HTR6: variants seen among roughly 807,000 people sequenced by gnomAD.
HTR6 encodes 5-hydroxytryptamine (serotonin) receptor 6, G protein-coupled.
In HTR6, 15 loss-of-function variants were observed where a neutral mutation model predicts 17.4. The observed-to-expected ratio is 0.86, with a 90% CI of 0.58 to 1.33. The LOEUF (loss-of-function observed/expected upper bound fraction) is 1.33, where lower values mean the gene tolerates loss of function less well. HTR6 is among the 40% of genes most tolerant of loss of function. The pLI is 0.00. For missense variants in HTR6, 578 were observed against 616.0 expected (o/e 0.94, Z 0.65); for synonymous variants, 326 against 295.5 (o/e 1.10, Z -1.06).
intron 1 of HTR6, among the ~76,000 whole-genome samples, chr1:19,671,649 A>G (rs922012557): frequency 2.6e-5 from 4 of 152,102 alleles, no homozygotes; most frequent in African/African-American, 9.7e-5. Flanking sequence ...TCCTGTGCCC[A>G]GCCCCACTTA....
In HTR6 at chr1:19,666,278, C is replaced by G. The variant is rs775629025; in HGVS notation, c.525C>G (p.Pro175=). ...ACGAGCTGGGCCACGCACGGCCACC[C>G]GTCCCTGGCCAGTGCCGCCTGCTGG... ...GWHELGHARP[P]VPGQCRLLAS... Residue 175 remains proline, a synonymous_variant, in exon 1 of 3, where the codon CCC becomes CCG. Coordinates refer to ENST00000289753, the MANE Select transcript of HTR6 (RefSeq NM_000871.3). This position sits in a 1 kb window ranked among gnomAD's most constrained non-coding sequence, Gnocchi z 4.5. 6 of 1,611,300 alleles carry G rather than the reference C, an allele frequency of 3.7e-6. No individual in the cohort carries two copies. The highest frequency in any genetic ancestry group is 2.2e-5 in the South Asian group (2 of 91,054).
At position 19,679,802 on chromosome 1, in the gene HTR6, C is replaced by T. The variant is rs1465983949; in HGVS notation, c.*434C>T. ...GTAGTCCATGGACAATCGGCATTGCCGTCACCTTTGGGAGTTTGTGAAAAA... is the reference window on the plus strand; with the variant it reads ...GTAGTCCATGGACAATCGGCATTGCTGTCACCTTTGGGAGTTTGTGAAAAA... On this transcript the variant is annotated 3_prime_UTR_variant, in exon 3 of 3. Transcript: ENST00000289753. This position sits in a 1 kb window ranked among gnomAD's most constrained non-coding sequence, Gnocchi z 4.9. 1.3e-5 allele frequency among the ~76,000 whole-genome samples: 2 copies of T among 152,226 alleles called. No homozygotes were observed. Among genetic ancestry groups the T allele is most frequent in the African/African-American group, 2.4e-5 (1 of 41,454 alleles).
At chr1:19,667,193 A>G (rs2095082646) in intron 1 of HTR6, among the ~76,000 whole-genome samples, 1 of 151,944 alleles carries the variant, frequency 6.6e-6, no homozygotes, top group African/African-American at 2.4e-5. Flanking sequence ...AGGTCTTTGC[A>G]CTTGCTGTTC....
In HTR6 at chr1:19,671,065, T is replaced by C. The variant is rs149042641; in HGVS notation, c.714+4598T>C. 1.8e-4 allele frequency among the ~76,000 whole-genome samples: 28 copies of C among 152,280 alleles called. No homozygotes were observed. In the East Asian group the frequency reaches 5.4e-3, roughly 29 times the overall value. Reference sequence around the variant, plus strand: ...TGAACGAGACCAACAGTGCCTGCCCTCTTGAAATCTGTTCTAGTTAGGAGT... The same window carrying C: ...TGAACGAGACCAACAGTGCCTGCCCCCTTGAAATCTGTTCTAGTTAGGAGT... On this transcript the variant is annotated intron_variant, in intron 1 of 2. Coordinates refer to ENST00000289753, the MANE Select transcript of HTR6 (RefSeq NM_000871.3).
At chr1:19,673,879 T>C (rs978322827) in intron 1 of HTR6, among the ~76,000 whole-genome samples, 6 of 106,834 alleles carry the variant, frequency 5.6e-5, no homozygotes, top group African/African-American at 1.3e-4. Context: ...TTTTTTTTTT[T>C]CTGTTAGGAC....
At chr1:19,678,813 G>C (rs1423927447) in intron 2 of HTR6, 88 bp downstream of exon 2, 82 of 1,559,576 alleles carry the variant, frequency 5.3e-5, no homozygotes, top group Non-Finnish European at 7.1e-5. Context: ...GGGAGGGTAG[G>C]CTGCCTCTCG....
chr1:19,677,990 T>G lies in HTR6; in HGVS notation c.715-577T>G, dbSNP rs1020309315. On this transcript the variant is annotated intron_variant, in intron 1 of 2. Coordinates refer to ENST00000289753, the MANE Select transcript of HTR6 (RefSeq NM_000871.3). ...CCTGACCTCAAGTGATCTGCCTGCCTCGGCCTCCCAAAGTGCTGGGATTAC... is the reference window on the plus strand; with the variant it reads ...CCTGACCTCAAGTGATCTGCCTGCCGCGGCCTCCCAAAGTGCTGGGATTAC... 5.3e-5 allele frequency among the ~76,000 whole-genome samples: 8 copies of G among 152,352 alleles called. 2 individuals are homozygous for G. The highest frequency in any genetic ancestry group is 6.5e-5 in the Admixed American group (1 of 15,304).
At position 19,678,547 on chromosome 1, in the gene HTR6, T is replaced by C. The variant is rs200222462; in HGVS notation, c.715-20T>C. The C allele has an allele frequency of 1.4e-5, 23 of 1,612,012 alleles. No individual in the cohort carries two copies. Among genetic ancestry groups the C allele is most frequent in the Non-Finnish European group, 1.9e-5 (22 of 1,179,880 alleles). On this transcript the variant is annotated intron_variant, in intron 1 of 2. Coordinates refer to ENST00000289753, the MANE Select transcript of HTR6 (RefSeq NM_000871.3). ...CGGGGGCCCTTTCTCAACGGACTCA[T>C]GTGGCCTTCCTTTCCGCAGGTGCCC...
chr1:19,675,784 G>A (rs923157171), intron 1 of HTR6, among the ~76,000 whole-genome samples: 3 of 152,148 alleles, frequency 2.0e-5, no homozygotes, highest in Non-Finnish European at 4.4e-5. Flanking sequence ...CAATTTGAAG[G>A]TGTGGCAGGT....
intron 1 of HTR6, among the ~76,000 whole-genome samples, chr1:19,677,913 T>C (rs2095096302): frequency 6.6e-6 from 1 of 152,174 alleles, no homozygotes; most frequent in Non-Finnish European, 1.5e-5. Context: ...CTAATTTTTG[T>C]ATTTTTAGTA....
rs201272602 is a variant in HTR6, at chr1:19,679,421, T to G, written c.*53T>G. 1.1e-5 allele frequency: 17 copies of G among 1,488,720 alleles called. No individual in the cohort carries two copies. Among genetic ancestry groups the G allele is most frequent in the Non-Finnish European group, 1.4e-5 (16 of 1,117,042 alleles). 92.2% of individuals were successfully genotyped at this position (1,488,720 alleles called of 1,614,324 possible). The stretch of plus-strand genomic sequence containing the variant: ...GCTGGATTGAGCAGAACCCAGACCC[T>G]GAGTCCTTGGGCCAGCTCTTGGCTA... On this transcript the variant is annotated 3_prime_UTR_variant, in exon 3 of 3. Transcript: ENST00000289753. This position sits in a 1 kb window ranked among gnomAD's most constrained non-coding sequence, Gnocchi z 4.9.
At chr1:19,669,024 G>A (rs1449070433) in intron 1 of HTR6, among the ~76,000 whole-genome samples, 1 of 152,218 alleles carries the variant, frequency 6.6e-6, no homozygotes, top group Admixed American at 6.5e-5. Context: ...GAAGACAGCT[G>A]TAATGGGCTG....
intron 1 of HTR6, among the ~76,000 whole-genome samples, chr1:19,674,507 A>G (rs1330790362): frequency 6.6e-6 from 1 of 151,350 alleles, no homozygotes; most frequent in Non-Finnish European, 1.5e-5. Context: ...CCTGGGTTCA[A>G]GTGATTCTCC....
At position 19,679,977 on chromosome 1, in the gene HTR6, G is replaced by A. The variant is rs1480024547; in HGVS notation, c.*609G>A. The stretch of plus-strand genomic sequence containing the variant: ...GATTTGCTGGATGGTTTTTGGACCT[G>A]TCAGTCTCCCCTCCCTGGTATATAT... On this transcript the variant is annotated 3_prime_UTR_variant, in exon 3 of 3. Coordinates refer to ENST00000289753, the MANE Select transcript of HTR6 (RefSeq NM_000871.3). This position sits in a 1 kb window ranked among gnomAD's most constrained non-coding sequence, Gnocchi z 4.9. 1.3e-5 allele frequency among the ~76,000 whole-genome samples: 2 copies of A among 152,128 alleles called. No homozygotes were observed. Among genetic ancestry groups the A allele is most frequent in the Non-Finnish European group, 2.9e-5 (2 of 68,022 alleles).
chr1:19,665,814 T>C lies in HTR6; in HGVS notation c.61T>C (p.Ser21Pro). 6.5e-7 allele frequency: 1 copy of C among 1,533,690 alleles called. No individual in the cohort carries two copies. Among genetic ancestry groups the C allele is most frequent in the Non-Finnish European group, 8.7e-7 (1 of 1,148,674 alleles). ...CCCGGCCTGGGGGGCAGGGCCGCCG[T>C]CGGCCCCGGGGGGCAGCGGCTGGGT... ...STPAWGAGPP[S>P]APGGSGWVAA... Residue 21 changes from serine to proline, a missense_variant, in exon 1 of 3, where the codon TCG (serine) becomes CCG (proline). By Grantham distance (74) the Ser-to-Pro change is moderately conservative. Transcript: ENST00000289753. This position sits in a 1 kb window ranked among gnomAD's most constrained non-coding sequence, Gnocchi z 4.2.
In HTR6 at chr1:19,665,926, G is replaced by T. The variant is rs1449878302; in HGVS notation, c.173G>T (p.Arg58Leu). The change falls in exon 1 of 3, where the codon CGC (arginine) becomes CTC (leucine). Residue 58 changes from arginine (R) to leucine (L), a missense_variant. Physicochemically the swap from Arg to Leu is moderately radical, Grantham distance 102 (BLOSUM62 -2). Coordinates refer to ENST00000289753, the MANE Select transcript of HTR6 (RefSeq NM_000871.3). This position sits in a 1 kb window ranked among gnomAD's most constrained non-coding sequence, Gnocchi z 4.2. ...IALICTQPAL[R>L]NTSNFFLVSL... ...CTCATCTGCACTCAGCCCGCGCTGCGCAACACGTCCAACTTCTTCCTGGTG... is the reference window on the plus strand; with the variant it reads ...CTCATCTGCACTCAGCCCGCGCTGCTCAACACGTCCAACTTCTTCCTGGTG... The T allele has an allele frequency of 6.2e-7, 1 of 1,613,486 alleles. No homozygotes were observed.
At position 19,666,176 on chromosome 1, in the gene HTR6, G is replaced by T; in HGVS notation, c.423G>T (p.Leu141=). The T allele has an allele frequency of 6.2e-7, 1 of 1,610,796 alleles. No individual in the cohort carries two copies. Among genetic ancestry groups the T allele is most frequent in the Non-Finnish European group, 8.5e-7 (1 of 1,179,874 alleles). The change falls in exon 1 of 3, where the codon CTG becomes CTT. Residue 141 remains leucine, a synonymous_variant. Coordinates refer to ENST00000289753, the MANE Select transcript of HTR6 (RefSeq NM_000871.3). This position sits in a 1 kb window ranked among gnomAD's most constrained non-coding sequence, Gnocchi z 4.5. ...GCTACAAGCTGCGCATGACGCCCCTGCGTGCCCTGGCCCTAGTCCTGGGCG... is the reference window on the plus strand; with the variant it reads ...GCTACAAGCTGCGCATGACGCCCCTTCGTGCCCTGGCCCTAGTCCTGGGCG... The part of the protein sequence containing the change: ...PLRYKLRMTP[L]RALALVLGAW...
rs1471465690 is a variant in HTR6 at position 19,666,806 on chromosome 1, C to T, written c.714+339C>T. On this transcript the variant is annotated intron_variant, in intron 1 of 2. Transcript: ENST00000289753. The surrounding 1 kb of genome is among the most constrained non-coding windows in gnomAD (Gnocchi z 4.5). ...CCAGGAACTTAGGAATACTTTTCTC[C>T]CTCACCCTCATGCCATTCATTAGCG... Among the ~76,000 whole-genome samples the T allele has an allele frequency of 5.3e-5, 8 of 152,020 alleles. No homozygotes were observed. The highest frequency in any genetic ancestry group is 1.9e-4 in the African/African-American group (8 of 41,382).
rs559329574 is a variant in HTR6 at position 19,678,854 on chromosome 1, C to T, written c.874-65C>T. ...CGTGTGTGTGTGTGTCTGCTCCATA[C>T]ATGCTGGGAAGGGTGGCCTGGGTCC... On this transcript the variant is annotated intron_variant, in intron 2 of 2. Transcript: ENST00000289753. 901 of 1,558,574 alleles carry T rather than the reference C, an allele frequency of 5.8e-4. 3 individuals carry two copies. The highest frequency in any genetic ancestry group is 7.5e-4 in the Non-Finnish European group (866 of 1,148,060).
Sources: allele counts gnomAD v4.1 joint callset (sites outside exome capture counted in the v4.1 genomes callset), GRCh38; gene constraint gnomAD v4.1.1; non-coding constraint Gnocchi (gnomAD v3.1); transcripts MANE v1.5; gene names NCBI Gene and HGNC (gene_info 2026-07-23, HGNC 2026-07-21).